SLC71A2: variants seen among roughly 807,000 people sequenced by gnomAD.
The protein encoded by SLC71A2 is hippocampus abundant transcript-like 1.
At chr9:94,451,110 G>A in the SLC71A2 span, among the ~76,000 whole-genome samples, 4 of 152,246 alleles carry the variant, frequency 2.6e-5, no homozygotes, top group Admixed American at 2.0e-4. Context: ...GAGCAATGCT[G>A]TATTGGCAGC....
the SLC71A2 span, among the ~76,000 whole-genome samples, chr9:94,442,622 G>A: frequency 6.6e-6 from 1 of 152,114 alleles, no homozygotes; most frequent in Admixed American, 6.5e-5. Flanking sequence ...AGGCTGAGGT[G>A]GGGGCGGATC....
the SLC71A2 span, chr9:94,415,284 G>A: frequency 6.7e-7 from 1 of 1,488,240 alleles, no homozygotes; most frequent in Non-Finnish European, 9.4e-7. Context: ...TTTGTGTTTT[G>A]TAAGAGAAAG....
the SLC71A2 span, among the ~76,000 whole-genome samples, chr9:94,452,706 TATATATTC>T: frequency 2.5e-5 from 2 of 79,944 alleles, no homozygotes; most frequent in Non-Finnish European, 6.3e-5. Context: ...CATATATTCA[TATATATTC>T]ATATATATAT....
At chr9:94,446,298 A>G in the SLC71A2 span, among the ~76,000 whole-genome samples, 1 of 152,250 alleles carries the variant, frequency 6.6e-6, no homozygotes, top group African/African-American at 2.4e-5. Flanking sequence ...AGGATTTTTC[A>G]ACAAGGTTGT....
At chr9:94,402,196 T>C in the SLC71A2 span, among the ~76,000 whole-genome samples, 1 of 152,172 alleles carries the variant, frequency 6.6e-6, no homozygotes, top group African/African-American at 2.4e-5. Context: ...TACAGCCCAG[T>C]AGGTTTCAGT....
chr9:94,438,050 T>C, the SLC71A2 span, among the ~76,000 whole-genome samples: 1 of 152,176 alleles, frequency 6.6e-6, no homozygotes, highest in Admixed American at 6.5e-5. Flanking sequence ...TGCCTCAGCC[T>C]CCTGAGTAGC....
At chr9:94,460,821 CCTGTT>C in the SLC71A2 span, 1 of 152,118 alleles carries the variant, frequency 6.6e-6, no homozygotes, top group Non-Finnish European at 1.5e-5. Context: ...TATTTTGAAA[CCTGTT>C]CTGCTATGAA....
the SLC71A2 span, among the ~76,000 whole-genome samples, chr9:94,432,163 G>A: frequency 1.3e-5 from 2 of 151,654 alleles, no homozygotes; most frequent in Admixed American, 6.6e-5. Context: ...TGCAGCTTCT[G>A]GGGATTGGTC....
At chr9:94,413,492 G>T in the SLC71A2 span, among the ~76,000 whole-genome samples, 46,766 of 151,378 alleles carry the variant, frequency 0.31, 7,545 homozygotes, top group Admixed American at 0.44. Context: ...ATCAGTATTC[G>T]ATTGGTTAAA....
the SLC71A2 span, among the ~76,000 whole-genome samples, chr9:94,397,068 C>G: frequency 6.6e-6 from 1 of 152,314 alleles, no homozygotes; most frequent in African/African-American, 2.4e-5. Flanking sequence ...CCGTGCCCGG[C>G]CTCTAACATT....
chr9:94,387,082 G>A, the SLC71A2 span, among the ~76,000 whole-genome samples: 4 of 151,192 alleles, frequency 2.6e-5, no homozygotes, highest in Non-Finnish European at 4.4e-5. Context: ...CTTTCCTTTC[G>A]CATCAGCCCT....
At chr9:94,452,194 T>C in the SLC71A2 span, among the ~76,000 whole-genome samples, 307 of 152,352 alleles carry the variant, frequency 2.0e-3, no homozygotes, top group African/African-American at 7.1e-3. Context: ...TTCAGTGTTA[T>C]TTTAATGTTG....
the SLC71A2 span, among the ~76,000 whole-genome samples, chr9:94,381,615 A>G: frequency 2.7e-4 from 41 of 151,880 alleles, no homozygotes; most frequent in East Asian, 7.1e-3. Flanking sequence ...TACAGAATAC[A>G]CTTTTTTAAA....
At chr9:94,411,793 G>C in the SLC71A2 span, among the ~76,000 whole-genome samples, 1 of 152,014 alleles carries the variant, frequency 6.6e-6, no homozygotes, top group South Asian at 2.1e-4. Context: ...GTTTCACCAT[G>C]ATGGCCAGGC....
the SLC71A2 span, among the ~76,000 whole-genome samples, chr9:94,443,029 A>G: frequency 8.8e-4 from 134 of 152,174 alleles, 1 homozygote; most frequent in Middle Eastern, 3.4e-3. Context: ...TGAGATACTC[A>G]TTTTTCTGCA....
the SLC71A2 span, among the ~76,000 whole-genome samples, chr9:94,375,348 C>T: frequency 6.6e-6 from 1 of 151,742 alleles, no homozygotes; most frequent in African/African-American, 2.4e-5. Flanking sequence ...TCCGTGTTCT[C>T]CCGGCGTCGG....
chr9:94,415,160 A>G, the SLC71A2 span: 36 of 1,611,508 alleles, frequency 2.2e-5, no homozygotes, highest in African/African-American at 2.0e-4. Flanking sequence ...TTTTTTAGCT[A>G]CAAGGCTTTG....
chr9:94,419,303 T>C, the SLC71A2 span, among the ~76,000 whole-genome samples: 1 of 144,750 alleles, frequency 6.9e-6, no homozygotes, highest in East Asian at 1.9e-4. Flanking sequence ...TTTTTCTTTT[T>C]TTTTTTTTTT....
chr9:94,397,655 G>T, the SLC71A2 span, among the ~76,000 whole-genome samples: 6 of 152,180 alleles, frequency 3.9e-5, no homozygotes, highest in African/African-American at 1.4e-4. Flanking sequence ...CCTCTGGACT[G>T]TGACAGTTTC....
Sources: allele counts gnomAD v4.1 joint callset (sites outside exome capture counted in the v4.1 genomes callset), GRCh38; gene constraint gnomAD v4.1.1; transcripts MANE v1.5; gene names NCBI Gene and HGNC (gene_info 2026-07-23, HGNC 2026-07-21).